Variants in ADRA1D observed in about 807,000 individuals in gnomAD.
ADRA1D encodes the protein alpha-1D adrenergic receptor.
Under a neutral mutation model 18.6 loss-of-function variants are expected in ADRA1D, and 22 were observed. That is an observed-to-expected ratio of 1.19 (90% CI 0.85 to 1.69). ADRA1D has a LOEUF of 1.69. ADRA1D is among the 40% of genes most tolerant of loss of function. The probability of loss-of-function intolerance (pLI) is 0.00; values close to 1 mark genes in which losing one functional copy is unlikely to be tolerated. For synonymous variants in ADRA1D, 376 were observed against 388.2 expected (o/e 0.97, Z 0.37); for missense variants, 840 against 840.7 (o/e 1.00, Z 0.01).
In ADRA1D at chr20:4,222,130, C is replaced by A. The variant is rs754074685; in HGVS notation, c.1112G>T (p.Gly371Val). 4.5e-5 allele frequency: 72 copies of A among 1,611,622 alleles called. No homozygotes were observed. The highest frequency in any genetic ancestry group is 5.9e-5 in the Non-Finnish European group (70 of 1,179,086). ...TGGCTTCAGCTGCGGGAACAAGGAG[C>A]CTGTAGGGAGCAGAGACCGATACTA... ...WFPFFFVLPL[G>V]SLFPQLKPSE... Residue 371 changes from glycine (G) to valine (V), a missense_variant and splice_region_variant, in exon 2 of 2, where the codon GGC becomes GTC. Physicochemically the swap from Gly to Val is moderately radical, Grantham distance 109. Coordinates refer to ENST00000379453, the MANE Select transcript of ADRA1D (RefSeq NM_000678.4). This position sits in a 1 kb window ranked among gnomAD's most constrained non-coding sequence, Gnocchi z 4.3.
intron 1 of ADRA1D, among the ~76,000 whole-genome samples, chr20:4,226,420 G>T (rs1322437145): frequency 6.6e-6 from 1 of 152,228 alleles, no homozygotes; most frequent in Non-Finnish European, 1.5e-5. Flanking sequence ...GTGGGAAGAA[G>T]AATCAGGGAA....
rs776152321 is a variant in ADRA1D at position 4,248,294 on chromosome 20, C to T, written c.664G>A (p.Val222Ile). 3.7e-6 allele frequency: 6 copies of T among 1,608,126 alleles called. No individual in the cohort carries two copies. The highest frequency in any genetic ancestry group is 1.7e-5 in the Admixed American group (1 of 59,138). Residue 222 changes from valine (V) to isoleucine (I), a missense_variant, in exon 1 of 2, where the codon GTC (valine) becomes ATC (isoleucine). Physicochemically the swap from Val to Ile is conservative, Grantham distance 29. Transcript: ENST00000379453. ...KAAAILALLW[V>I]VALVVSVGPL... ...CCTACGGACACCACCAGGGCTACGA[C>T]CCAGAGCAGGGCCAGGATGGCGGCC...
At chr20:4,238,835 C>T (rs775619055) in intron 1 of ADRA1D, among the ~76,000 whole-genome samples, 31 of 152,086 alleles carry the variant, frequency 2.0e-4, no homozygotes, top group Non-Finnish European at 3.5e-4. Flanking sequence ...ATCTGGGGCT[C>T]ACAGAAATAG....
Position 4,222,321 on chromosome 20 carries a change from T to G in ADRA1D, c.1112-191A>C. ...AAAATAATAATTGTTTTCACTCACC[T>G]CTACCTGATATTGAGGATTACCTTC... On this transcript the variant is annotated intron_variant, in intron 1 of 1. Coordinates refer to ENST00000379453, the MANE Select transcript of ADRA1D (RefSeq NM_000678.4). This position sits in a 1 kb window ranked among gnomAD's most constrained non-coding sequence, Gnocchi z 4.3. The G allele has an allele frequency of 1.4e-6, 1 of 712,584 alleles. No individual in the cohort carries two copies. The highest frequency in any genetic ancestry group is 2.1e-6 in the Non-Finnish European group (1 of 479,374). 44.1% of individuals were successfully genotyped at this position (712,584 alleles called of 1,614,324 possible). A position where few individuals can be genotyped will look rare whatever the true frequency, so the allele number is the denominator to read the frequency against.
rs773815742 is a variant in ADRA1D at position 4,221,780 on chromosome 20, G to A, written c.1462C>T (p.Arg488Ter). 1 of 1,580,440 alleles carries A rather than the reference G, an allele frequency of 6.3e-7. No individual in the cohort carries two copies. Among genetic ancestry groups the A allele is most frequent in the South Asian group, 1.1e-5 (1 of 88,868 alleles). ...PEMQAPVASRRKPPSAFREWR... is the reference protein window; with the variant it reads ...PEMQAPVASR The stretch of plus-strand genomic sequence containing the variant: ...TCGCGGAAGGCGCTGGGTGGCTTTC[G>A]ACGGCTGGCGACCGGAGCCTGCATC... Residue 488 changes from arginine to a stop codon, truncating the protein, a stop_gained, in exon 2 of 2, where the codon CGA becomes TGA. Transcript: ENST00000379453. LOFTEE classifies it low-confidence loss of function (END_TRUNC).
Position 4,248,330 on chromosome 20 carries a change from C to A in ADRA1D, c.628G>T (p.Glu210Ter), listed in dbSNP as rs372903381. ...GCCAGGATGGCGGCCGCCTTGCGCTCGGTCATGATGGCTGGGTACTTGAGT... is the reference window on the plus strand; with the variant it reads ...GCCAGGATGGCGGCCGCCTTGCGCTAGGTCATGATGGCTGGGTACTTGAGT... ...HSLKYPAIMTERKAAAILALL... is the reference protein window; with the variant it reads ...HSLKYPAIMT The change falls in exon 1 of 2, where the codon GAG (glutamate) becomes TAG (stop). Residue 210 changes from glutamate to a stop codon, truncating the protein, a stop_gained. Transcript: ENST00000379453. LOFTEE classifies it high-confidence loss of function. The A allele has an allele frequency of 3.1e-6, 5 of 1,605,432 alleles. No individual in the cohort carries two copies. The highest frequency in any genetic ancestry group is 4.3e-6 in the Non-Finnish European group (5 of 1,176,260).
In ADRA1D at chr20:4,222,265, A is replaced by G; in HGVS notation, c.1112-135T>C. The G allele has an allele frequency of 8.0e-7, 1 of 1,253,790 alleles. No homozygotes were observed. Among genetic ancestry groups the G allele is most frequent in the Non-Finnish European group, 1.1e-6 (1 of 939,938 alleles). The allele number at this position is 1,253,790 out of a possible 1,614,324, so 77.7% of individuals were successfully genotyped here. On this transcript the variant is annotated intron_variant, in intron 1 of 1. Coordinates refer to ENST00000379453, the MANE Select transcript of ADRA1D (RefSeq NM_000678.4). This position sits in a 1 kb window ranked among gnomAD's most constrained non-coding sequence, Gnocchi z 4.3. ...GGAGTTCTCAAGGGATCCGTGCTGT[A>G]AATCAGGAGGTCCATGAACTTGGAT...
At position 4,247,549 on chromosome 20, in the gene ADRA1D, C is replaced by T. The variant is rs565519718; in HGVS notation, c.1111+298G>A. ...CCGACCACATATGGGCAGATGCCCGCCCAGATTTTCACAGACGTTTTATTT... is the reference window on the plus strand; with the variant it reads ...CCGACCACATATGGGCAGATGCCCGTCCAGATTTTCACAGACGTTTTATTT... On this transcript the variant is annotated intron_variant, in intron 1 of 1. Coordinates refer to ENST00000379453, the MANE Select transcript of ADRA1D (RefSeq NM_000678.4). Among the ~76,000 whole-genome samples the T allele has an allele frequency of 3.3e-5, 5 of 152,326 alleles. No individual in the cohort carries two copies. The East Asian group carries it at 9.7e-4, about 29-fold the overall frequency.
chr20:4,245,881 G>C (rs554823345), intron 1 of ADRA1D, among the ~76,000 whole-genome samples: 1 of 152,146 alleles, frequency 6.6e-6, no homozygotes, highest in African/African-American at 2.4e-5. Context: ...CTTAGGGTCC[G>C]TTGCTTGCCC....
At chr20:4,245,385 G>A (rs774544766) in intron 1 of ADRA1D, among the ~76,000 whole-genome samples, 25 of 152,174 alleles carry the variant, frequency 1.6e-4, no homozygotes, top group Non-Finnish European at 2.6e-4. Context: ...TGTAGTAAGA[G>A]TATGAACATC....
At chr20:4,241,006 T>G (rs962922356) in intron 1 of ADRA1D, among the ~76,000 whole-genome samples, 1 of 152,190 alleles carries the variant, frequency 6.6e-6, no homozygotes, top group Non-Finnish European at 1.5e-5. Context: ...TTATTCATAG[T>G]AATTACTCAA....
Position 4,222,379 on chromosome 20 carries a change from A to G in ADRA1D, c.1112-249T>C, listed in dbSNP as rs1600844001. ...GTAGGCAACAAACCAGAGTAGAGTT[A>G]GACAAAACCACGTGCAATTGCTGTT... On this transcript the variant is annotated intron_variant, in intron 1 of 1. Coordinates refer to ENST00000379453, the MANE Select transcript of ADRA1D (RefSeq NM_000678.4). This position sits in a 1 kb window ranked among gnomAD's most constrained non-coding sequence, Gnocchi z 4.3. The G allele has an allele frequency of 1.2e-5, 5 of 416,712 alleles. No homozygotes were observed. The highest frequency in any genetic ancestry group is 2.0e-5 in the Non-Finnish European group (5 of 247,590). The allele number at this position is 416,712 out of a possible 1,614,324, so 25.8% of individuals were successfully genotyped here.
At chr20:4,225,780 A>G (rs1052747402) in intron 1 of ADRA1D, among the ~76,000 whole-genome samples, 1 of 152,158 alleles carries the variant, frequency 6.6e-6, no homozygotes, top group African/African-American at 2.4e-5. Context: ...ACATCTGGGA[A>G]GGGACCCAGT....
Position 4,249,019 on chromosome 20 carries a change from A to G in ADRA1D, c.-62T>C. 3 of 1,186,154 alleles carry G rather than the reference A, an allele frequency of 2.5e-6. No homozygotes were observed. The highest frequency in any genetic ancestry group is 3.2e-6 in the Non-Finnish European group (3 of 941,498). The allele number at this position is 1,186,154 out of a possible 1,614,324, so 73.5% of individuals were successfully genotyped here. A position where few individuals can be genotyped will look rare whatever the true frequency, so the allele number is the denominator to read the frequency against. On this transcript the variant is annotated 5_prime_UTR_variant, in exon 1 of 2. Transcript: ENST00000379453. ...AGAACGAGCGGCCGGCAGGGAGGGG[A>G]GCACAGGGCATAGCCGCGGGGCTCC...
In ADRA1D at chr20:4,248,290, A is replaced by G. The variant is rs1243818452; in HGVS notation, c.668T>C (p.Val223Ala). The G allele has an allele frequency of 6.2e-7, 1 of 1,608,490 alleles. No homozygotes were observed. The change falls in exon 1 of 2, where the codon GTA becomes GCA. Residue 223 changes from valine (V) to alanine (A), a missense_variant. By Grantham distance (64) the Val-to-Ala change is moderately conservative (BLOSUM62 0). Transcript: ENST00000379453. The part of the protein sequence containing the change: ...AAAILALLWV[V>A]ALVVSVGPLL... ...GGGCCCTACGGACACCACCAGGGCT[A>G]CGACCCAGAGCAGGGCCAGGATGGC...
At chr20:4,237,502 G>A (rs1202814614) in intron 1 of ADRA1D, among the ~76,000 whole-genome samples, 1 of 151,846 alleles carries the variant, frequency 6.6e-6, no homozygotes, top group African/African-American at 2.4e-5. Flanking sequence ...CTGAATGTGA[G>A]GATCTGGCAG....
At chr20:4,223,297 C>A (rs1251472384) in intron 1 of ADRA1D, among the ~76,000 whole-genome samples, 1 of 152,174 alleles carries the variant, frequency 6.6e-6, no homozygotes, top group African/African-American at 2.4e-5. Context: ...ATTTTGATGG[C>A]TTTTCCAATA....
chr20:4,246,484 A>T (rs181400955), intron 1 of ADRA1D, among the ~76,000 whole-genome samples: 18 of 152,288 alleles, frequency 1.2e-4, no homozygotes, highest in Admixed American at 1.2e-3. Flanking sequence ...GAGGACAGGC[A>T]GGGGCTCCAG....
Position 4,221,859 on chromosome 20 carries a change from C to A in ADRA1D, c.1383G>T (p.Pro461=), listed in dbSNP as rs1411626221. Residue 461 remains proline (P), a synonymous_variant, in exon 2 of 2, where the codon CCG becomes CCT. Transcript: ENST00000379453. ...GGTCGGGGAGCGCGGTGAGGGCCAG[C>A]GGCGCTCCGGGGGGCGCGTCGCCCG... ...PSSGDAPPGA[P]LALTALPDPD... The A allele has an allele frequency of 4.8e-6, 7 of 1,465,292 alleles. No homozygotes were observed. Among genetic ancestry groups the A allele is most frequent in the African/African-American group, 1.5e-5 (1 of 67,802 alleles). The allele number at this position is 1,465,292 out of a possible 1,614,324, so 90.8% of individuals were successfully genotyped here.
Sources: gnomAD v4.1 joint callset for allele counts (sites outside exome capture counted in the v4.1 genomes callset) on GRCh38, gnomAD v4.1.1 for gene constraint, Gnocchi (gnomAD v3.1) non-coding constraint, MANE v1.5 for transcripts, NCBI Gene and HGNC (gene_info 2026-07-23, HGNC 2026-07-21) for gene names.